Variants in MTFR1L observed in about 807,000 individuals in gnomAD.
The protein encoded by MTFR1L is mitochondrial fission regulator 1 like.
MTFR1L carries 10 observed loss-of-function variants against 27.9 expected under a neutral mutation model. The observed-to-expected ratio is 0.36, with a 90% CI of 0.22 to 0.61. The LOEUF (loss-of-function observed/expected upper bound fraction) is 0.61, where lower values mean the gene tolerates loss of function less well. Among genes scored for constraint, MTFR1L ranks in the 20% least tolerant of loss-of-function variants. The probability of loss-of-function intolerance (pLI) is 0.73; values close to 1 mark genes in which losing one functional copy is unlikely to be tolerated. For missense variants in MTFR1L, 315 were observed against 363.7 expected (o/e 0.87, Z 1.09); for synonymous variants, 151 against 139.4 (o/e 1.08, Z -0.58).
Position 25,832,089 on chromosome 1 carries a change from C to A in MTFR1L, c.*63C>A. On this transcript the variant is annotated 3_prime_UTR_variant, in exon 7 of 7. Coordinates refer to ENST00000374303, the MANE Select transcript of MTFR1L (RefSeq NM_001099625.2). ...GAATACCTTCAATAGCTGCCTTCCTCACCGCAGATGTTTCTGCCTCTTAAG... is the reference window on the plus strand; with the variant it reads ...GAATACCTTCAATAGCTGCCTTCCTAACCGCAGATGTTTCTGCCTCTTAAG... 6.2e-7 allele frequency: 1 copy of A among 1,612,656 alleles called. No individual in the cohort carries two copies. Among genetic ancestry groups the A allele is most frequent in the Middle Eastern group, 1.7e-4 (1 of 6,060 alleles).
chr1:25,826,492 G>A lies in MTFR1L; in HGVS notation c.239+81G>A, dbSNP rs2048169819. Reference sequence around the variant, plus strand: ...GCAGGCAGCAAGGAGAGAGGAATGAGAACTGTGGGCTCAGAGAGGAGCAGA... The same window carrying A: ...GCAGGCAGCAAGGAGAGAGGAATGAAAACTGTGGGCTCAGAGAGGAGCAGA... On this transcript the variant is annotated intron_variant, in intron 4 of 6. Transcript: ENST00000374303. The surrounding 1 kb of genome is among the most constrained non-coding windows in gnomAD (Gnocchi z 4.1). 3.8e-6 allele frequency: 6 copies of A among 1,584,208 alleles called. No individual in the cohort carries two copies. The highest frequency in any genetic ancestry group is 4.3e-6 in the Non-Finnish European group (5 of 1,153,544).
intron 3 of MTFR1L, among the ~76,000 whole-genome samples, 185 bp downstream of exon 3, chr1:25,823,933 C>G (rs1385218783): frequency 6.6e-6 from 1 of 152,208 alleles, no homozygotes; most frequent in Admixed American, 6.5e-5. Flanking sequence ...AACCTGTGAC[C>G]ACAAGGAACC....
At chr1:25,823,295 T>C (rs2048122230) in intron 2 of MTFR1L, 167 bp downstream of exon 2, 2 of 777,254 alleles carry the variant, frequency 2.6e-6, no homozygotes, top group African/African-American at 1.7e-5. Flanking sequence ...AAGAACCAAC[T>C]ATGATCCTGG....
chr1:25,830,587 C>T (rs1273416937), intron 6 of MTFR1L, among the ~76,000 whole-genome samples: 1 of 152,168 alleles, frequency 6.6e-6, no homozygotes, highest in Non-Finnish European at 1.5e-5. Flanking sequence ...ACCAGAGGAG[C>T]TTGGTTTGAA....
intron 5 of MTFR1L, among the ~76,000 whole-genome samples, chr1:25,827,543 C>T (rs1201624391): frequency 2.6e-5 from 4 of 151,966 alleles, no homozygotes; most frequent in African/African-American, 4.8e-5. Flanking sequence ...CAGGCTCAAG[C>T]GATTCTCGTG....
Position 25,829,846 on chromosome 1 carries a change from G to A in MTFR1L, c.773+16G>A. ...GTCAAGATCTGTAAGTATCTGATGAGGAGCTCTGGTATCTATTTACTCAGA... is the reference window on the plus strand; with the variant it reads ...GTCAAGATCTGTAAGTATCTGATGAAGAGCTCTGGTATCTATTTACTCAGA... On this transcript the variant is annotated intron_variant, in intron 6 of 6. Transcript: ENST00000374303. 1 of 1,579,980 alleles carries A rather than the reference G, an allele frequency of 6.3e-7. No homozygotes were observed. Among genetic ancestry groups the A allele is most frequent in the Non-Finnish European group, 8.6e-7 (1 of 1,167,866 alleles).
At chr1:25,828,043 A>C (rs2048190033) in intron 5 of MTFR1L, among the ~76,000 whole-genome samples, 1 of 152,176 alleles carries the variant, frequency 6.6e-6, no homozygotes, top group Non-Finnish European at 1.5e-5. Context: ...CAATACAAGA[A>C]GTAAACATTC....
chr1:25,832,247 C>G lies in MTFR1L; in HGVS notation c.*221C>G. On this transcript the variant is annotated 3_prime_UTR_variant, in exon 7 of 7. Coordinates refer to ENST00000374303, the MANE Select transcript of MTFR1L (RefSeq NM_001099625.2). ...GTGATTTGACCTGAGACATTTGTTT[C>G]AGGTAATCGTGTAGAATGAAGTATC... 2 of 1,348,548 alleles carry G rather than the reference C, an allele frequency of 1.5e-6. No homozygotes were observed. The highest frequency in any genetic ancestry group is 2.0e-6 in the Non-Finnish European group (2 of 981,034). The allele number at this position is 1,348,548 out of a possible 1,614,324, so 83.5% of individuals were successfully genotyped here.
chr1:25,822,466 C>T (rs1469835616), intron 1 of MTFR1L: 2 of 151,140 alleles, frequency 1.3e-5, no homozygotes, highest in African/African-American at 5.0e-5. Flanking sequence ...AGTTTTGCCT[C>T]AAGAAACCTG....
At chr1:25,824,499 G>A (rs780553538) in intron 3 of MTFR1L, among the ~76,000 whole-genome samples, 9 of 152,186 alleles carry the variant, frequency 5.9e-5, no homozygotes, top group Non-Finnish European at 1.2e-4. Context: ...CCACACAGAG[G>A]AGATAGAAAT....
In MTFR1L at chr1:25,826,854, C is replaced by T. The variant is rs372657625; in HGVS notation, c.451+28C>T. 2.9e-5 allele frequency: 46 copies of T among 1,608,638 alleles called. No homozygotes were observed. The highest frequency in any genetic ancestry group is 3.7e-4 in the Middle Eastern group (2 of 5,462). ...AGGAGCCCCTGTGCCAGGGCCAGAA[C>T]GTAACAGGCTGTTCCTTTCCCCTGG... is the stretch of plus-strand genomic sequence containing the variant. On this transcript the variant is annotated intron_variant, in intron 5 of 6. Transcript: ENST00000374303. The surrounding 1 kb of genome is among the most constrained non-coding windows in gnomAD (Gnocchi z 4.1).
In MTFR1L at chr1:25,832,272, CT is replaced by C; in HGVS notation, c.*248del. ...CAGGTAATCGTGTAGAATGAAGTAT[CT>C]TAGTTTAAAGGGTAAGAGAGAAGTT... On this transcript the variant is annotated 3_prime_UTR_variant, in exon 7 of 7. Transcript: ENST00000374303. 1 of 1,198,194 alleles carries C rather than the reference CT, an allele frequency of 8.3e-7. No homozygotes were observed. Among genetic ancestry groups the C allele is most frequent in the Non-Finnish European group, 1.2e-6 (1 of 853,302 alleles). The allele number at this position is 1,198,194 out of a possible 1,614,324, so 74.2% of individuals were successfully genotyped here.
intron 6 of MTFR1L, 140 bp from the exon 7 acceptor site, chr1:25,831,781 A>G (rs899558105): frequency 1.0e-5 from 8 of 802,252 alleles, no homozygotes; most frequent in African/African-American, 6.8e-5. Context: ...CTGTGCTTCA[A>G]TTTCCTTATC....
chr1:25,822,662 T>C (rs2048111422), intron 1 of MTFR1L: 1 of 312,262 alleles, frequency 3.2e-6, no homozygotes, highest in African/African-American at 2.3e-5. Context: ...AAGTAGCTGG[T>C]ACTACAGGTG....
chr1:25,827,877 C>T (rs2048188533), intron 5 of MTFR1L, among the ~76,000 whole-genome samples: 1 of 152,008 alleles, frequency 6.6e-6, no homozygotes, highest in Admixed American at 6.6e-5. Flanking sequence ...AGGCGCATGC[C>T]ACCATGCCCA....
At position 25,832,061 on chromosome 1, in the gene MTFR1L, C is replaced by T; in HGVS notation, c.*35C>T. 1.2e-6 allele frequency: 2 copies of T among 1,613,926 alleles called. No individual in the cohort carries two copies. The highest frequency in any genetic ancestry group is 1.3e-5 in the African/African-American group (1 of 75,050). ...GCTCTGCAAACTCAGTCTCATGCTC[C>T]TGGAATACCTTCAATAGCTGCCTTC... On this transcript the variant is annotated 3_prime_UTR_variant, in exon 7 of 7. Coordinates refer to ENST00000374303, the MANE Select transcript of MTFR1L (RefSeq NM_001099625.2).
chr1:25,823,151 G>C (rs746416020), intron 2 of MTFR1L, 23 bp downstream of exon 2: 2 of 1,610,116 alleles, frequency 1.2e-6, no homozygotes, highest in Admixed American at 3.3e-5. Context: ...CCCAGGGCAG[G>C]GGTATGGTGG....
chr1:25,828,039 A>G (rs1014993692), intron 5 of MTFR1L, among the ~76,000 whole-genome samples: 32 of 152,176 alleles, frequency 2.1e-4, no homozygotes, highest in African/African-American at 7.5e-4. Context: ...TTTTCAATAC[A>G]AGAAGTAAAC....
intron 5 of MTFR1L, among the ~76,000 whole-genome samples, chr1:25,828,589 A>G (rs1382555945): frequency 2.6e-5 from 4 of 152,120 alleles, no homozygotes; most frequent in Admixed American, 2.0e-4. Flanking sequence ...ACAGTGGTCT[A>G]TTATGCAAAC....
Sources: gnomAD v4.1 joint callset for allele counts (sites outside exome capture counted in the v4.1 genomes callset) on GRCh38, gnomAD v4.1.1 for gene constraint, Gnocchi (gnomAD v3.1) non-coding constraint, MANE v1.5 for transcripts, NCBI Gene and HGNC (gene_info 2026-07-23, HGNC 2026-07-21) for gene names.